PLA2R1: variants seen among roughly 807,000 people sequenced by gnomAD.
PLA2R1 encodes phospholipase A2 receptor 1, also known as secretory phospholipase A2 receptor.
Under a neutral mutation model 195.9 loss-of-function variants are expected in PLA2R1, and 158 were observed. That is an observed-to-expected ratio of 0.81 (90% confidence interval 0.71 to 0.92). The LOEUF (loss-of-function observed/expected upper bound fraction) is 0.92. Among genes scored for constraint, PLA2R1 ranks in the 40% least tolerant of loss-of-function variants. The pLI is 0.00. For synonymous variants in PLA2R1, 586 were observed against 598.2 expected (o/e 0.98, Z 0.30); for missense variants, 1,626 against 1,764.6 (o/e 0.92, Z 1.41).
intron 11 of PLA2R1, among the ~76,000 whole-genome samples, chr2:159,997,727 G>A (rs1691311742): frequency 6.6e-6 from 1 of 152,056 alleles, no homozygotes; most frequent in Non-Finnish European, 1.5e-5. Context: ...CTGCTCATGG[G>A]TTTCTGATCC....
chr2:160,047,674 T>A (rs1199301411), intron 1 of PLA2R1, among the ~76,000 whole-genome samples: 1 of 152,226 alleles, frequency 6.6e-6, no homozygotes, highest in Non-Finnish European at 1.5e-5. Context: ...ATTTTCTGCA[T>A]TACCCACCTG....
At chr2:160,038,115 A>C (rs1404793302) in intron 3 of PLA2R1, among the ~76,000 whole-genome samples, 2 of 152,216 alleles carry the variant, frequency 1.3e-5, no homozygotes, top group Non-Finnish European at 2.9e-5. Context: ...AGTGCCCTGA[A>C]GAAGGTATAG....
At chr2:159,991,407 G>A (rs572770099) in intron 11 of PLA2R1, among the ~76,000 whole-genome samples, 279 of 151,170 alleles carry the variant, frequency 1.8e-3, no homozygotes, top group South Asian at 5.0e-3. Flanking sequence ...GTCTACTGAT[G>A]GGACAGGCTG....
rs1296568034 is a variant in PLA2R1 at position 160,033,041 on chromosome 2, C to T, written c.759G>A (p.Trp253Ter). Residue 253 changes from tryptophan (W) to a stop codon, truncating the protein, a stop_gained, in exon 4 of 30, where the codon TGG (tryptophan) becomes TGA (stop). Coordinates refer to ENST00000283243, the MANE Select transcript of PLA2R1 (RefSeq NM_007366.5). LOFTEE classifies it high-confidence loss of function. Reference protein sequence around the residue: ...YQFNLLSSLSWSEAHSSCQMQ... With the variant: ...YQFNLLSSLS Reference sequence around the variant, plus strand: ...TCTGGCATGAAGAATGTGCCTCACTCCAAGAGAGAGATGAAAGCAGGTTGA... The same window carrying T: ...TCTGGCATGAAGAATGTGCCTCACTTCAAGAGAGAGATGAAAGCAGGTTGA... 6.2e-7 allele frequency: 1 copy of T among 1,613,430 alleles called. No homozygotes were observed. The highest frequency in any genetic ancestry group is 1.3e-5 in the African/African-American group (1 of 74,884).
intron 28 of PLA2R1, among the ~76,000 whole-genome samples, chr2:159,943,189 C>A (rs377517937): frequency 1.2e-4 from 19 of 152,128 alleles, no homozygotes; most frequent in African/African-American, 3.4e-4. Context: ...AGGCTGGTCT[C>A]GAACTCCTGA....
intron 7 of PLA2R1, among the ~76,000 whole-genome samples, chr2:160,021,714 A>C (rs1693141082): frequency 6.6e-6 from 1 of 152,230 alleles, no homozygotes; most frequent in Admixed American, 6.5e-5. Context: ...AAGAGGCCAG[A>C]CTTCACCACT....
Position 160,062,599 on chromosome 2 carries a change from C to T in PLA2R1, c.-196G>A. 1.0e-6 allele frequency: 1 copy of T among 984,946 alleles called. No individual in the cohort carries two copies. The highest frequency in any genetic ancestry group is 1.4e-6 in the Non-Finnish European group (1 of 729,890). 61.0% of individuals were successfully genotyped at this position (984,946 alleles called of 1,614,324 possible). Reference sequence around the variant, plus strand: ...CCGCCACCGCTGTCTCCACAGTGAACCGACACTCGGGGCTCTGGGCTGGGA... The same window carrying T: ...CCGCCACCGCTGTCTCCACAGTGAATCGACACTCGGGGCTCTGGGCTGGGA... On this transcript the variant is annotated 5_prime_UTR_variant, in exon 1 of 30. Coordinates refer to ENST00000283243, the MANE Select transcript of PLA2R1 (RefSeq NM_007366.5).
intron 20 of PLA2R1, 44 bp downstream of exon 20, chr2:159,967,495 T>C (rs1688863977): frequency 6.5e-7 from 1 of 1,549,126 alleles, no homozygotes; most frequent in Non-Finnish European, 8.8e-7. Flanking sequence ...AAAATTAGTG[T>C]CTACAAAAGA....
intron 1 of PLA2R1, among the ~76,000 whole-genome samples, chr2:160,048,979 T>C (rs1287772378): frequency 6.6e-6 from 1 of 150,540 alleles, no homozygotes; most frequent in African/African-American, 2.4e-5. Context: ...TAGCTGGGAC[T>C]ACAGGCGCCC....
chr2:159,956,385 G>T, intron 21 of PLA2R1, 125 bp downstream of exon 21: 1 of 675,910 alleles, frequency 1.5e-6, no homozygotes, highest in Non-Finnish European at 2.7e-6. Context: ...GCAAACTCGT[G>T]TATCATCAGC....
intron 24 of PLA2R1, among the ~76,000 whole-genome samples, chr2:159,950,971 G>A (rs1039955045): frequency 6.6e-6 from 1 of 152,148 alleles, no homozygotes. Context: ...AGCATGATTC[G>A]TTTTTTCTTG....
At chr2:160,051,958 C>T (rs1353904635) in intron 1 of PLA2R1, among the ~76,000 whole-genome samples, 1 of 152,118 alleles carries the variant, frequency 6.6e-6, no homozygotes, top group Non-Finnish European at 1.5e-5. Context: ...AAAAAGTTAC[C>T]CAAGTACATT....
chr2:159,978,678 T>C (rs1689739693), intron 14 of PLA2R1, among the ~76,000 whole-genome samples: 1 of 152,210 alleles, frequency 6.6e-6, no homozygotes, highest in Non-Finnish European at 1.5e-5. Flanking sequence ...CTGCCATTTA[T>C]GGAGTAAGTT....
chr2:160,028,300 A>G lies in PLA2R1; in HGVS notation c.1017T>C (p.Ser339=). 2 of 1,606,836 alleles carry G rather than the reference A, an allele frequency of 1.2e-6. No individual in the cohort carries two copies. Among genetic ancestry groups the G allele is most frequent in the Non-Finnish European group, 1.7e-6 (2 of 1,173,988 alleles). The change falls in exon 6 of 30, where the codon AGT becomes AGC. Residue 339 remains serine (S), a synonymous_variant. Transcript: ENST00000283243. ...HCGTFSSFMP[S]AWRSRDCEST... ...ACTCACAATCCCGACTCCTCCAGGC[A>G]CTTGGCATAAATGAACTAAATGTTC...
chr2:159,943,887 C>A (rs1299618393), intron 28 of PLA2R1, among the ~76,000 whole-genome samples: 1 of 149,960 alleles, frequency 6.7e-6, no homozygotes, highest in African/African-American at 2.5e-5. Context: ...GCAGTGTTTT[C>A]TTCTTCATTC....
downstream of PLA2R1, among the ~76,000 whole-genome samples, chr2:159,930,904 TA>T (rs1686571880): frequency 6.6e-6 from 1 of 152,226 alleles, no homozygotes; most frequent in African/African-American, 2.4e-5. Context: ...TCAGACAAGT[TA>T]AATCAAGTTC....
At chr2:160,037,649 C>T (rs115701687) in intron 3 of PLA2R1, among the ~76,000 whole-genome samples, 4,859 of 152,172 alleles carry the variant, frequency 0.032, 376 homozygotes, top group Admixed American at 0.18. Flanking sequence ...CTCTTTATTG[C>T]CTGCATCCCA....
intron 11 of PLA2R1, among the ~76,000 whole-genome samples, chr2:159,997,305 G>C (rs552223509): frequency 6.6e-6 from 1 of 152,004 alleles, no homozygotes; most frequent in Non-Finnish European, 1.5e-5. Flanking sequence ...AGGATGGCTA[G>C]AGAGCTGGAG....
intron 7 of PLA2R1, among the ~76,000 whole-genome samples, chr2:160,021,946 G>A (rs1483965147): frequency 1.3e-5 from 2 of 152,116 alleles, no homozygotes; most frequent in Non-Finnish European, 2.9e-5. Context: ...GAGATAAGCA[G>A]CCCACAGGGT....
Sources: allele counts gnomAD v4.1 joint callset (sites outside exome capture counted in the v4.1 genomes callset), GRCh38; gene constraint gnomAD v4.1.1; transcripts MANE v1.5; gene names NCBI Gene and HGNC (gene_info 2026-07-23, HGNC 2026-07-21).